GLDN: variants seen among roughly 807,000 people sequenced by gnomAD.
GLDN encodes collomin.
In GLDN, 47 loss-of-function variants were observed where a neutral mutation model predicts 56.5. The observed-to-expected ratio is 0.83, with a 90% CI of 0.66 to 1.06. GLDN has a LOEUF of 1.06. Among genes scored for constraint, GLDN ranks in the 50% least tolerant of loss-of-function variants. GLDN has a pLI of 0.00. For synonymous variants in GLDN, 332 were observed against 278.8 expected, an observed-to-expected ratio of 1.19 and a Z score of -1.90; for missense variants, 782 against 714.3, an observed-to-expected ratio of 1.09 and a Z score of -1.08.
rs542860735 is a variant in GLDN at position 51,345,532 on chromosome 15, G to A, written c.363+3485G>A. 2.6e-5 allele frequency among the ~76,000 whole-genome samples: 4 copies of A among 152,290 alleles called. No homozygotes were observed. The South Asian group carries it at 8.3e-4, about 32-fold the overall frequency. ...ATAGTCAAATGATGAAAAGGCATTT[G>A]ATAAAATTTAACATCAATGCTTGAT... On this transcript the variant is annotated intron_variant, in intron 1 of 9. Transcript: ENST00000335449.
intron 1 of GLDN, chr15:51,360,479 G>A (rs2037274152): frequency 6.6e-6 from 1 of 152,298 alleles, no homozygotes; most frequent in South Asian, 2.1e-4. Flanking sequence ...ACCACAACAG[G>A]ACTGAGGGTG....
At chr15:51,363,016 A>G (rs2037331331) in intron 1 of GLDN, among the ~76,000 whole-genome samples, 1 of 152,224 alleles carries the variant, frequency 6.6e-6, no homozygotes, top group African/African-American at 2.4e-5. Flanking sequence ...TGGGAAGGAA[A>G]GATTTGCCAT....
At chr15:51,395,780 C>T (rs974609276) in intron 5 of GLDN, among the ~76,000 whole-genome samples, 17 of 152,048 alleles carry the variant, frequency 1.1e-4, no homozygotes, top group African/African-American at 4.1e-4. Flanking sequence ...GTTTAATTGG[C>T]TTATAGTTCT....
intron 9 of GLDN, among the ~76,000 whole-genome samples, chr15:51,402,035 T>A (rs1391648977): frequency 6.6e-6 from 1 of 152,172 alleles, no homozygotes; most frequent in Non-Finnish European, 1.5e-5. Flanking sequence ...TTCCCCATCC[T>A]CTGAGAGAGA....
Position 51,404,597 on chromosome 15 carries a change from G to A in GLDN, c.1499G>A (p.Gly500Glu), listed in dbSNP as rs1445838003. 12 of 1,614,018 alleles carry A rather than the reference G, an allele frequency of 7.4e-6. No homozygotes were observed. The highest frequency in any genetic ancestry group is 1.7e-5 in the Admixed American group (1 of 60,004). Reference sequence around the variant, plus strand: ...GTCACATTTGCCTTTGATTTGTTAGGAGGGAAACAGATCAATGCAAACTTT... The same window carrying A: ...GTCACATTTGCCTTTGATTTGTTAGAAGGGAAACAGATCAATGCAAACTTT... ...MRVTFAFDLL[G>E]GKQINANFDL... Residue 500 changes from glycine to glutamate, a missense_variant, in exon 10 of 10, where the codon GGA (glycine) becomes GAA (glutamate). Coordinates refer to ENST00000335449, the MANE Select transcript of GLDN (RefSeq NM_181789.4).
At chr15:51,345,552 C>T (rs1464832787) in intron 1 of GLDN, among the ~76,000 whole-genome samples, 1 of 152,200 alleles carries the variant, frequency 6.6e-6, no homozygotes, top group Non-Finnish European at 1.5e-5. Context: ...AACATCAATG[C>T]TTGATTTTTA....
chr15:51,375,437 C>G lies in GLDN; in HGVS notation c.364-2012C>G, dbSNP rs1443369439. ...TGTGTGCAGCACTGTTTTACATGAA[C>G]AAAAGTATGTTATATGTGCTGCTCT... On this transcript the variant is annotated intron_variant, in intron 1 of 9. Coordinates refer to ENST00000335449, the MANE Select transcript of GLDN (RefSeq NM_181789.4). Among the ~76,000 whole-genome samples, 5 of 152,280 alleles carry G rather than the reference C, an allele frequency of 3.3e-5. No homozygotes were observed. In the East Asian group the frequency reaches 9.6e-4, roughly 29 times the overall value.
rs1343793187 is a variant in GLDN, at chr15:51,394,868, G to A, written c.575G>A (p.Arg192Lys). ...GGAGCTGCAGGAAATCCAGGGGAAA[G>A]GGGAGAAAAGGGAGACCATGGTGAA... ...IPGAAGNPGE[R>K]GEKGDHGELG... The change falls in exon 5 of 10, where the codon AGG becomes AAG. Residue 192 changes from arginine to lysine, a missense_variant. Coordinates refer to ENST00000335449, the MANE Select transcript of GLDN (RefSeq NM_181789.4). The A allele has an allele frequency of 6.2e-7, 1 of 1,613,792 alleles. No homozygotes were observed. Among genetic ancestry groups the A allele is most frequent in the Admixed American group, 1.7e-5 (1 of 59,984 alleles).
intron 8 of GLDN, 72 bp downstream of exon 8, chr15:51,400,570 G>T: frequency 6.7e-7 from 1 of 1,491,004 alleles, no homozygotes; most frequent in Non-Finnish European, 9.2e-7. Context: ...ACCTTTGGGC[G>T]TATTCCATTT....
chr15:51,353,477 A>C (rs2037113625), intron 1 of GLDN, among the ~76,000 whole-genome samples: 1 of 152,148 alleles, frequency 6.6e-6, no homozygotes, highest in African/African-American at 2.4e-5. Context: ...ACTCACTGAA[A>C]GGCAGTCATC....
At chr15:51,344,931 A>T (rs1455716883) in intron 1 of GLDN, among the ~76,000 whole-genome samples, 1 of 152,248 alleles carries the variant, frequency 6.6e-6, no homozygotes, top group Non-Finnish European at 1.5e-5. Flanking sequence ...TGACACAGCC[A>T]AGAAGCACAT....
intron 6 of GLDN, among the ~76,000 whole-genome samples, chr15:51,399,758 T>A (rs2038208785): frequency 6.6e-6 from 1 of 152,234 alleles, no homozygotes; most frequent in South Asian, 2.1e-4. Flanking sequence ...CTGGGGCTGC[T>A]ACTTCACAGC....
At chr15:51,382,150 T>A (rs1449693046) in intron 2 of GLDN, among the ~76,000 whole-genome samples, 3 of 152,214 alleles carry the variant, frequency 2.0e-5, no homozygotes, top group Non-Finnish European at 4.4e-5. Flanking sequence ...TGCTGCCATC[T>A]TAAGCCCCGT....
chr15:51,370,102 C>T (rs1050831360), intron 1 of GLDN, among the ~76,000 whole-genome samples: 1 of 152,100 alleles, frequency 6.6e-6, no homozygotes, highest in Non-Finnish European at 1.5e-5. Context: ...AGTGACAGAG[C>T]AAGCCACTGT....
intron 1 of GLDN, among the ~76,000 whole-genome samples, chr15:51,346,280 G>T (rs1433003136): frequency 1.3e-5 from 2 of 152,132 alleles, no homozygotes; most frequent in Non-Finnish European, 2.9e-5. Context: ...GGTTCTACAA[G>T]ATATTAAAAT....
At chr15:51,384,097 A>T in intron 4 of GLDN, 1 of 610,806 alleles carries the variant, frequency 1.6e-6, no homozygotes, top group Non-Finnish European at 2.9e-6. Flanking sequence ...TTTATTTCAA[A>T]CTGGAGAAGC....
At position 51,407,754 on chromosome 15, in the gene GLDN, T is replaced by C. The variant is rs543282859; in HGVS notation, c.*3000T>C. ...AAAGTCAAATGAAACAGTACAATTC[T>C]TGATGAGTGAGGTGTCATCTTCCAA... On this transcript the variant is annotated 3_prime_UTR_variant, in exon 10 of 10. Transcript: ENST00000335449. 1 of 152,340 alleles carries C rather than the reference T, an allele frequency of 6.6e-6. No homozygotes were observed. Among genetic ancestry groups the C allele is most frequent in the South Asian group, 2.1e-4 (1 of 4,828 alleles). 9.4% of individuals were successfully genotyped at this position (152,340 alleles called of 1,614,324 possible).
chr15:51,355,734 G>A (rs12593574), intron 1 of GLDN, among the ~76,000 whole-genome samples: 107,717 of 147,634 alleles, frequency 0.73, 40,799 homozygotes, highest in African/African-American at 0.94. Flanking sequence ...CGTGTTAGCC[G>A]GGATGGTCTT....
At chr15:51,409,763 C>G (rs920146687), downstream of GLDN, among the ~76,000 whole-genome samples, 1 of 152,198 alleles carries the variant, frequency 6.6e-6, no homozygotes, top group Non-Finnish European at 1.5e-5. Flanking sequence ...TAATTCACCC[C>G]ACGTGCAGCT....
Sources: allele counts gnomAD v4.1 joint callset (sites outside exome capture counted in the v4.1 genomes callset), GRCh38; gene constraint gnomAD v4.1.1; transcripts MANE v1.5; gene names NCBI Gene and HGNC (gene_info 2026-07-23, HGNC 2026-07-21).